NKIRAS1: variants seen among roughly 807,000 people sequenced by gnomAD.
NKIRAS1 encodes NFKB inhibitor interacting Ras like 1, also known as NF-kappa-B inhibitor-interacting Ras-like protein 1.
In NKIRAS1, 16 loss-of-function variants were observed where a neutral mutation model predicts 19.8. The ratio of observed to expected loss-of-function variants is 0.81; its 90% CI spans 0.55 to 1.23. NKIRAS1 has a LOEUF of 1.23. Ranked by LOEUF, NKIRAS1 falls within the 50% of genes most tolerant of loss-of-function variation. The pLI, the probability that NKIRAS1 is intolerant of heterozygous loss-of-function variation, is 0.00. For missense variants in NKIRAS1, 184 were observed against 220.0 expected (o/e 0.84, Z 1.04); for synonymous variants, 88 against 79.0 (o/e 1.11, Z -0.61).
At chr3:23,945,511 A>AGGCGGCGGC (rs369955272) in intron 1 of NKIRAS1, 26 of 931,950 alleles carry the variant, frequency 2.8e-5, no homozygotes, top group Non-Finnish European at 3.3e-5. Context: ...CGCGGCGCTG[A>AGGCGGCGGC]GGCGGCGGCG....
rs536607913 is a variant in NKIRAS1 at position 23,944,074 on chromosome 3, G to GCCT, written c.-140+2248_-140+2249insAGG. ...AGGCAAGAGATAATGGTTTGCTCTA[G>GCCT]CAATACCAACGGTGAGAAACAGGGA... On this transcript the variant is annotated intron_variant, in intron 1 of 4. Transcript: ENST00000421515. 6.2e-4 allele frequency among the ~76,000 whole-genome samples: 94 copies of GCCT among 152,310 alleles called. 1 individual carries two copies. The highest frequency in any genetic ancestry group is 2.2e-3 in the African/African-American group (92 of 41,568).
upstream of NKIRAS1, chr3:23,917,078 C>G (rs1704623658): frequency 6.6e-6 from 1 of 152,514 alleles, no homozygotes; most frequent in South Asian, 2.1e-4. Flanking sequence ...GAGGCCGCAG[C>G]TTTCCACCGG....
intron 1 of NKIRAS1, among the ~76,000 whole-genome samples, chr3:23,928,450 T>C (rs1705247882): frequency 6.6e-6 from 1 of 152,030 alleles, no homozygotes; most frequent in African/African-American, 2.4e-5. Context: ...TTAATTCTGA[T>C]ATGTGTCATG....
At chr3:23,910,693 C>A in intron 3 of NKIRAS1, 118 bp downstream of exon 3, 1 of 694,026 alleles carries the variant, frequency 1.4e-6, no homozygotes. Flanking sequence ...CTCTTTTGGT[C>A]CCTCTGGATT....
chr3:23,918,146 G>T (rs1297749134), upstream of NKIRAS1: 1 of 1,329,228 alleles, frequency 7.5e-7, no homozygotes, highest in Non-Finnish European at 1.0e-6. Flanking sequence ...GGCTTTGGCA[G>T]AAAAAAGCTA....
intron 4 of NKIRAS1, among the ~76,000 whole-genome samples, chr3:23,898,908 A>C (rs1702238527): frequency 6.6e-6 from 1 of 152,172 alleles, no homozygotes; most frequent in South Asian, 2.1e-4. Context: ...TGAGGTTCTC[A>C]CAGGAGCTGG....
chr3:23,938,209 C>CTTTTTTTT (rs11418287), intron 1 of NKIRAS1, among the ~76,000 whole-genome samples: 5 of 137,656 alleles, frequency 3.6e-5, no homozygotes, highest in African/African-American at 5.4e-5. Context: ...AGTACAGTAC[C>CTTTTTTTT]TTTTTTTTTT....
intron 4 of NKIRAS1, among the ~76,000 whole-genome samples, chr3:23,895,332 GCTCT>G (rs1276207939): frequency 1.3e-5 from 2 of 152,086 alleles, no homozygotes; most frequent in African/African-American, 4.8e-5. Flanking sequence ...CATTGTAACT[GCTCT>G]CTATGATCTC....
At chr3:23,940,142 C>A in intron 1 of NKIRAS1, among the ~76,000 whole-genome samples, 1 of 115,078 alleles carries the variant, frequency 8.7e-6, no homozygotes, top group African/African-American at 3.4e-5. Context: ...ACTAGCCTGG[C>A]AACACAGGAA....
intron 4 of NKIRAS1, among the ~76,000 whole-genome samples, chr3:23,894,610 C>T (rs2125351618): frequency 6.6e-6 from 1 of 152,274 alleles, no homozygotes; most frequent in South Asian, 2.1e-4. Flanking sequence ...GCAAGACTAA[C>T]CCCCACTGCA....
chr3:23,919,209 G>A (rs749541129), upstream of NKIRAS1: 26 of 1,613,486 alleles, frequency 1.6e-5, no homozygotes, highest in Non-Finnish European at 2.0e-5. Flanking sequence ...CGAGCTGGAC[G>A]CCACTGTGGG....
intron 1 of NKIRAS1, chr3:23,945,266 T>A (rs1264082097): frequency 6.6e-6 from 1 of 152,620 alleles, no homozygotes. Context: ...GCGGGTCACA[T>A]GGTCGCGGCT....
At chr3:23,916,156 C>G (rs1704379125) in intron 1 of NKIRAS1, 1 of 152,082 alleles carries the variant, frequency 6.6e-6, no homozygotes. Context: ...AAAAGATAAT[C>G]AAAACCGCTA....
At chr3:23,893,885 G>A (rs1701704708) in intron 4 of NKIRAS1, among the ~76,000 whole-genome samples, 1 of 150,426 alleles carries the variant, frequency 6.6e-6, no homozygotes, top group Non-Finnish European at 1.5e-5. Flanking sequence ...ATGAATGGAA[G>A]ATGGACTTGG....
upstream of NKIRAS1, chr3:23,921,628 G>A (rs1290594644): frequency 9.4e-6 from 6 of 638,982 alleles, no homozygotes; most frequent in African/African-American, 9.6e-5. Context: ...AGGTGGGAGT[G>A]CAGTGGGGCA....
At chr3:23,937,314 G>A (rs6550816) in intron 1 of NKIRAS1, among the ~76,000 whole-genome samples, 96,938 of 151,262 alleles carry the variant, frequency 0.64, 31,264 homozygotes, top group Middle Eastern at 0.73. Flanking sequence ...GAGAGATGGA[G>A]GGCCATAGAC....
intron 3 of NKIRAS1, among the ~76,000 whole-genome samples, chr3:23,908,678 CTTTTCTTT>C (rs1046025754): frequency 5.3e-5 from 8 of 151,570 alleles, no homozygotes; most frequent in African/African-American, 1.9e-4. Context: ...CTCCATTTTC[CTTTTCTTT>C]TTTTCTTTTT....
upstream of NKIRAS1, chr3:23,920,591 A>G (rs1705024556): frequency 3.0e-6 from 3 of 985,168 alleles, no homozygotes; most frequent in East Asian, 2.3e-4. Flanking sequence ...GAAAATGTAG[A>G]CAAGGAATTG....
chr3:23,893,289 G>C lies in NKIRAS1; in HGVS notation c.385C>G (p.Gln129Glu), dbSNP rs1348921474. 1.2e-6 allele frequency: 2 copies of C among 1,613,858 alleles called. No individual in the cohort carries two copies. Among genetic ancestry groups the C allele is most frequent in the Middle Eastern group, 1.7e-4 (1 of 6,060 alleles). ...GNKIDLSEQR[Q>E]VDAEVAQQWA... is the part of the protein sequence containing the mutation. The stretch of plus-strand genomic sequence containing the variant: ...TGCTGTGCCACTTCAGCGTCCACTT[G>C]TCTCTGCTCAGAAAGGTCGATTTTG... Residue 129 changes from glutamine to glutamate, a missense_variant, in exon 5 of 5, where the codon CAA becomes GAA. By Grantham distance (29) the Gln-to-Glu change is conservative. Transcript: ENST00000425478.
Sources: allele counts gnomAD v4.1 joint callset (sites outside exome capture counted in the v4.1 genomes callset), GRCh38; gene constraint gnomAD v4.1.1; transcripts MANE v1.5; gene names NCBI Gene and HGNC (gene_info 2026-07-23, HGNC 2026-07-21).